The following ZBTB7A variants were observed in gnomAD, a reference collection of about 807,000 sequenced individuals.
ZBTB7A encodes zinc finger and BTB domain containing 7A, also known as zinc finger and BTB domain-containing protein 7A.
ZBTB7A carries 7 observed loss-of-function variants against 26.7 expected under a neutral mutation model. That is an observed-to-expected ratio of 0.26 (90% CI 0.15 to 0.49). The LOEUF is 0.49. Among genes scored for constraint, ZBTB7A ranks in the 20% least tolerant of loss-of-function variants. ZBTB7A has a pLI of 0.98. For missense variants in ZBTB7A, 617 were observed against 919.5 expected (o/e 0.67, Z 4.25); for synonymous variants, 452 against 441.0 (o/e 1.02, Z -0.31).
At chr19:4,049,693 C>T (rs777753567) in intron 2 of ZBTB7A, among the ~76,000 whole-genome samples, 21 of 152,182 alleles carry the variant, frequency 1.4e-4, no homozygotes, top group Admixed American at 9.8e-4. Context: ...CACCCCACGA[C>T]ACCCAGGACT....
At position 4,047,867 on chromosome 19, in the gene ZBTB7A, A is replaced by ACGTCCTCGTCCT; in HGVS notation, c.1628_1639dup (p.Glu543_Asp546dup). The ACGTCCTCGTCCT allele has an allele frequency of 6.2e-7, 1 of 1,604,254 alleles. No homozygotes were observed. The highest frequency in any genetic ancestry group is 8.5e-7 in the Non-Finnish European group (1 of 1,176,104). Reference sequence around the variant, plus strand: ...CCGGCCCAAGCCGTCGGGGCTGGCCACGTCCTCGTCCTCGTCCTCGTCCTT... The same window carrying ACGTCCTCGTCCT: ...CCGGCCCAAGCCGTCGGGGCTGGCCACGTCCTCGTCCTCGTCCTCGTCCTCGTCCTCGTCCTT... On this transcript the variant is annotated inframe_insertion, in exon 3 of 3. Coordinates refer to ENST00000322357, the MANE Select transcript of ZBTB7A (RefSeq NM_015898.4).
intron 1 of ZBTB7A, among the ~76,000 whole-genome samples, chr19:4,055,719 A>T (rs1049110195): frequency 1.3e-5 from 2 of 152,144 alleles, no homozygotes; most frequent in African/African-American, 4.8e-5. Context: ...GCTACTCGGG[A>T]GGCTGAGGCA....
In ZBTB7A at chr19:4,044,669, TTCTTTTTTTTTTTTC is replaced by T. The variant is rs986736944; in HGVS notation, c.*3068_*3082del. 6 of 21,998 alleles carry T rather than the reference TTCTTTTTTTTTTTTC, an allele frequency of 2.7e-4. No individual in the cohort carries two copies. The highest frequency in any genetic ancestry group is 3.7e-4 in the Non-Finnish European group (4 of 10,906). The allele number at this position is 21,998 out of a possible 1,614,324, so 1.4% of individuals were successfully genotyped here. A position where few individuals can be genotyped will look rare whatever the true frequency, so the allele number is the denominator to read the frequency against. ...TGGAAATAACAATTTCGCATTGTTT[TTCTTTTTTTTTTTTC>T]TCTTTTTTTTTTTGTACCAGGCAGT... On this transcript the variant is annotated 3_prime_UTR_variant, in exon 3 of 3. Coordinates refer to ENST00000322357, the MANE Select transcript of ZBTB7A (RefSeq NM_015898.4).
intron 1 of ZBTB7A, chr19:4,061,851 G>A (rs1407912903): frequency 6.6e-6 from 1 of 152,248 alleles, no homozygotes; most frequent in Non-Finnish European, 1.5e-5. Context: ...ACTACAGCCC[G>A]AGCCCAGGTT....
At chr19:4,057,338 C>T (rs1400720704) in intron 1 of ZBTB7A, among the ~76,000 whole-genome samples, 5 of 151,998 alleles carry the variant, frequency 3.3e-5, no homozygotes, top group South Asian at 2.1e-4. Flanking sequence ...AGCGAAACTC[C>T]GTGTTGGAAA....
In ZBTB7A at chr19:4,048,736, C is replaced by G. The variant is rs1568230269; in HGVS notation, c.1263-492G>C. On this transcript the variant is annotated intron_variant, in intron 2 of 2. Coordinates refer to ENST00000322357, the MANE Select transcript of ZBTB7A (RefSeq NM_015898.4). The surrounding 1 kb of genome is among the most constrained non-coding windows in gnomAD (Gnocchi z 6.7). ...GGCATGGTAGCAGGCGCCCGTAATG[C>G]CAGCTATTAGGAAGGCTGAGGCAGG... Among the ~76,000 whole-genome samples the G allele has an allele frequency of 6.6e-6, 1 of 151,876 alleles. No individual in the cohort carries two copies. Among genetic ancestry groups the G allele is most frequent in the Non-Finnish European group, 1.5e-5 (1 of 67,982 alleles).
intron 2 of ZBTB7A, among the ~76,000 whole-genome samples, chr19:4,049,930 G>GT (rs140802035): frequency 0.027 from 4,140 of 151,246 alleles, 186 homozygotes; most frequent in African/African-American, 0.094. Context: ...CTCTTCTATT[G>GT]TTTTTTTTTC....
intron 1 of ZBTB7A, among the ~76,000 whole-genome samples, chr19:4,059,525 C>T (rs895049051): frequency 2.0e-5 from 3 of 152,122 alleles, no homozygotes; most frequent in African/African-American, 7.2e-5. Flanking sequence ...GGACTGTGGC[C>T]GCGTTTTACA....
chr19:4,063,257 C>T (rs767744136), intron 1 of ZBTB7A, among the ~76,000 whole-genome samples: 26 of 152,184 alleles, frequency 1.7e-4, no homozygotes, highest in African/African-American at 5.3e-4. Flanking sequence ...GAACACAGCG[C>T]GCCCCGGCTG....
At chr19:4,049,146 A>ATGTGTG (rs1423792197) in intron 2 of ZBTB7A, among the ~76,000 whole-genome samples, 5 of 34,650 alleles carry the variant, frequency 1.4e-4, no homozygotes, top group Non-Finnish European at 2.7e-4. Context: ...CTATTAAACT[A>ATGTGTG]TATGTGTGTG....
At chr19:4,055,324 G>A in intron 1 of ZBTB7A, 77 bp from the exon 2 acceptor site, 4 of 1,421,404 alleles carry the variant, frequency 2.8e-6, no homozygotes, top group Admixed American at 3.1e-5. Flanking sequence ...AGGGCCCGAG[G>A]CCCTTGAGAA....
rs1346623637 is a variant in ZBTB7A, at chr19:4,047,775, T to C, written c.1732A>G (p.Asn578Asp). The C allele has an allele frequency of 6.2e-7, 1 of 1,600,324 alleles. No homozygotes were observed. Among genetic ancestry groups the C allele is most frequent in the Admixed American group, 1.7e-5 (1 of 58,356 alleles). The change falls in exon 3 of 3, where the codon AAC (asparagine) becomes GAC (aspartate). Residue 578 changes from asparagine (N) to aspartate (D), a missense_variant. Coordinates refer to ENST00000322357, the MANE Select transcript of ZBTB7A (RefSeq NM_015898.4). The stretch of plus-strand genomic sequence containing the variant: ...TTTTAGGCGAGTCCGGCTGTGAAGT[T>C]ACCGTCGGTGGCGGCCCCGGGGCCA... ...GGGPGAATDG[N>D]FTAGLA
At chr19:4,050,896 C>T (rs577460510) in intron 2 of ZBTB7A, among the ~76,000 whole-genome samples, 4 of 151,836 alleles carry the variant, frequency 2.6e-5, no homozygotes, top group South Asian at 4.2e-4. Context: ...GTCAGGAGTT[C>T]GAGACCAGCC....
chr19:4,057,527 C>G (rs1013324620), intron 1 of ZBTB7A, among the ~76,000 whole-genome samples: 8 of 152,216 alleles, frequency 5.3e-5, no homozygotes, highest in African/African-American at 1.9e-4. Flanking sequence ...CGGTGGCTCA[C>G]GCCGGTAATC....
intron 1 of ZBTB7A, among the ~76,000 whole-genome samples, chr19:4,064,389 C>A (rs190232923): frequency 2.0e-5 from 3 of 152,238 alleles, no homozygotes. Flanking sequence ...AGGCCCCGGC[C>A]CCGCCGATAG....
At chr19:4,061,840 G>C (rs1264197751) in intron 1 of ZBTB7A, 2 of 152,256 alleles carry the variant, frequency 1.3e-5, no homozygotes, top group East Asian at 3.9e-4. Flanking sequence ...AGGAAGCCCA[G>C]ACTACAGCCC....
chr19:4,049,329 G>A (rs779860240), intron 2 of ZBTB7A, among the ~76,000 whole-genome samples: 4 of 149,326 alleles, frequency 2.7e-5, no homozygotes, highest in Admixed American at 6.7e-5. Flanking sequence ...GAGCCACTGC[G>A]CCCGCCATGA....
chr19:4,062,378 CA>C (rs2040647755), intron 1 of ZBTB7A: 1 of 152,278 alleles, frequency 6.6e-6, no homozygotes, highest in African/African-American at 2.4e-5. Flanking sequence ...CTCCTCGGAG[CA>C]GCTGGGGGAG....
chr19:4,051,096 CAAAAAA>C (rs71166952), intron 2 of ZBTB7A, among the ~76,000 whole-genome samples: 2 of 42,424 alleles, frequency 4.7e-5, no homozygotes, highest in Admixed American at 4.1e-4. Flanking sequence ...AGACTCGTCT[CAAAAAA>C]AAAAAAAAAA....
Sources: allele counts gnomAD v4.1 joint callset (sites outside exome capture counted in the v4.1 genomes callset), GRCh38; gene constraint gnomAD v4.1.1; non-coding constraint Gnocchi (gnomAD v3.1); transcripts MANE v1.5; gene names NCBI Gene and HGNC (gene_info 2026-07-23, HGNC 2026-07-21).